NRXN3: variants seen among roughly 807,000 people sequenced by gnomAD.
The protein encoded by NRXN3 is neurexin 3.
In NRXN3, 32 loss-of-function variants were observed where a neutral mutation model predicts 137.6. The observed-to-expected ratio is 0.23, with a 90% CI of 0.18 to 0.31. NRXN3 has a LOEUF of 0.31. Among genes scored for constraint, NRXN3 ranks in the 10% least tolerant of loss-of-function variants. The pLI, the probability that NRXN3 is intolerant of heterozygous loss-of-function variation, is 1.00. For synonymous variants in NRXN3, 798 were observed against 784.5 expected (o/e 1.02, Z -0.29); for missense variants, 1,574 against 2,062.5 (o/e 0.76, Z 4.59).
intron 8 of NRXN3, among the ~76,000 whole-genome samples, chr14:78,720,973 T>C (rs1038827152): frequency 6.6e-6 from 1 of 152,114 alleles, no homozygotes; most frequent in African/African-American, 2.4e-5. Context: ...TACATTTATA[T>C]TAAGAGAAGA....
chr14:79,258,032 A>T (rs2077036872), intron 15 of NRXN3, among the ~76,000 whole-genome samples: 1 of 152,072 alleles, frequency 6.6e-6, no homozygotes, highest in South Asian at 2.1e-4. Context: ...AGACATAATG[A>T]ATTGATCTGT....
chr14:78,178,589 C>T (rs768522684), intron 1 of NRXN3, among the ~76,000 whole-genome samples: 10 of 152,186 alleles, frequency 6.6e-5, no homozygotes, highest in Non-Finnish European at 1.2e-4. Flanking sequence ...GGGACAGCCA[C>T]ACTCCCCATG....
chr14:79,142,264 A>G lies in NRXN3; in HGVS notation c.3262+154123A>G, dbSNP rs557597985. On this transcript the variant is annotated intron_variant, in intron 15 of 20. Coordinates refer to ENST00000335750, the MANE Select transcript of NRXN3 (RefSeq NM_001330195.2). ...AACATGGTGAAACCTCATCTCTACT[A>G]AAAATACAAAAAGTAGCCAGGTGTG... Among the ~76,000 whole-genome samples the G allele has an allele frequency of 3.9e-5, 6 of 152,192 alleles. No individual in the cohort carries two copies. In the South Asian group the frequency reaches 1.2e-3, roughly 32 times the overall value.
intron 15 of NRXN3, among the ~76,000 whole-genome samples, chr14:79,111,461 G>A (rs111459418): frequency 0.028 from 4,324 of 152,140 alleles, 204 homozygotes; most frequent in African/African-American, 0.099. Flanking sequence ...AACAAGGGCT[G>A]GGCACAGTGG....
At chr14:78,424,634 T>A (rs956926375) in intron 4 of NRXN3, among the ~76,000 whole-genome samples, 2 of 152,198 alleles carry the variant, frequency 1.3e-5, no homozygotes, top group Non-Finnish European at 2.9e-5. Context: ...AAGCAAAGTA[T>A]CTGGGCTGAT....
intron 2 of NRXN3, among the ~76,000 whole-genome samples, chr14:78,268,284 T>C (rs2072133771): frequency 6.7e-6 from 1 of 148,692 alleles, no homozygotes; most frequent in Admixed American, 6.6e-5. Context: ...TGTTTTGTTT[T>C]GTTTTGTTTT....
At chr14:79,110,588 G>A (rs2053295897) in intron 15 of NRXN3, among the ~76,000 whole-genome samples, 1 of 152,080 alleles carries the variant, frequency 6.6e-6, no homozygotes, top group South Asian at 2.1e-4. Flanking sequence ...GGCATTTGCT[G>A]TTTTGATGAC....
chr14:79,054,269 C>T (rs1327352677), intron 15 of NRXN3, among the ~76,000 whole-genome samples: 2 of 151,794 alleles, frequency 1.3e-5, no homozygotes, highest in African/African-American at 4.8e-5. Flanking sequence ...ATGTAAGAAA[C>T]CTGCACGTTA....
intron 10 of NRXN3, among the ~76,000 whole-genome samples, chr14:78,826,747 T>C (rs1262850309): frequency 6.6e-6 from 1 of 152,216 alleles, no homozygotes; most frequent in African/African-American, 2.4e-5. Flanking sequence ...GCTTGTTCTA[T>C]ATTTTGGTAT....
chr14:79,559,477 A>T (rs928530916), intron 16 of NRXN3, among the ~76,000 whole-genome samples: 17 of 152,142 alleles, frequency 1.1e-4, no homozygotes, highest in African/African-American at 4.1e-4. Context: ...CAGAAAACAC[A>T]CATTTATCAA....
chr14:78,234,392 A>T (rs2065885224), intron 1 of NRXN3, among the ~76,000 whole-genome samples: 1 of 152,204 alleles, frequency 6.6e-6, no homozygotes, highest in African/African-American at 2.4e-5. Context: ...ACTTGTACTA[A>T]GTGCCTACGT....
At chr14:78,918,703 A>G (rs2099263256) in intron 10 of NRXN3, among the ~76,000 whole-genome samples, 1 of 152,208 alleles carries the variant, frequency 6.6e-6, no homozygotes, top group Non-Finnish European at 1.5e-5. Flanking sequence ...TGAATGTCCC[A>G]AAGATTGCAA....
Position 78,447,146 on chromosome 14 carries a change from G to A in NRXN3, c.757+149286G>A, listed in dbSNP as rs143147308. Among the ~76,000 whole-genome samples, 110 of 152,316 alleles carry A rather than the reference G, an allele frequency of 7.2e-4. 1 individual carries two copies. The highest frequency in any genetic ancestry group is 2.5e-3 in the African/African-American group (103 of 41,572). ...TAGTACAGTTTCAATCACTTGCTGT[G>A]TTGCCTCAGGCAAACCACCTAACCT... is the stretch of plus-strand genomic sequence containing the variant. On this transcript the variant is annotated intron_variant, in intron 4 of 20. Transcript: ENST00000335750.
At chr14:78,418,341 T>C (rs2093261467) in intron 4 of NRXN3, among the ~76,000 whole-genome samples, 1 of 152,184 alleles carries the variant, frequency 6.6e-6, no homozygotes, top group Non-Finnish European at 1.5e-5. Flanking sequence ...CAAGCTTCTC[T>C]GAAGGGCCCA....
chr14:79,589,776 A>C (rs937418496), intron 16 of NRXN3, among the ~76,000 whole-genome samples: 1 of 152,150 alleles, frequency 6.6e-6, no homozygotes, highest in Non-Finnish European at 1.5e-5. Context: ...CTCATTAAAC[A>C]CCAAATTGCT....
chr14:79,120,679 A>G (rs143202572), intron 15 of NRXN3, among the ~76,000 whole-genome samples: 1 of 152,086 alleles, frequency 6.6e-6, no homozygotes, highest in Non-Finnish European at 1.5e-5. Context: ...AATTTTTTAT[A>G]TTATTCACCT....
rs150216949 is a variant in NRXN3, at chr14:78,802,684, G to A, written c.2045-936G>A. Among the ~76,000 whole-genome samples, 31 of 152,284 alleles carry A rather than the reference G, an allele frequency of 2.0e-4. 1 individual carries two copies. The highest frequency in any genetic ancestry group is 3.4e-3 in the Middle Eastern group (1 of 294). On this transcript the variant is annotated intron_variant, in intron 8 of 20. Transcript: ENST00000335750. ...TTTCAGCCAGGCGCAGTGGGCTCACGTTTGTAATCCCAGCACTTTGGGAGG... is the reference window on the plus strand; with the variant it reads ...TTTCAGCCAGGCGCAGTGGGCTCACATTTGTAATCCCAGCACTTTGGGAGG...
At chr14:79,471,575 T>G (rs1029579865) in intron 16 of NRXN3, among the ~76,000 whole-genome samples, 1 of 152,216 alleles carries the variant, frequency 6.6e-6, no homozygotes, top group African/African-American at 2.4e-5. Flanking sequence ...TCATCTGAAG[T>G]AGTCAATCTT....
intron 4 of NRXN3, among the ~76,000 whole-genome samples, chr14:78,302,296 CT>C (rs1217684479): frequency 4.6e-5 from 7 of 152,314 alleles, no homozygotes; most frequent in Non-Finnish European, 1.0e-4. Flanking sequence ...ACTACCACTA[CT>C]AGAAGCTGCT....
Sources: gnomAD v4.1 joint callset for allele counts (sites outside exome capture counted in the v4.1 genomes callset) on GRCh38, gnomAD v4.1.1 for gene constraint, MANE v1.5 for transcripts, NCBI Gene and HGNC (gene_info 2026-07-23, HGNC 2026-07-21) for gene names.